The following THSD7A variants were observed in gnomAD, a reference collection of about 807,000 sequenced individuals.
THSD7A encodes the protein thrombospondin type-1 domain-containing protein 7A.
In THSD7A, 96 loss-of-function variants were observed where a neutral mutation model predicts 231.3. The observed-to-expected ratio is 0.41, with a 90% CI of 0.35 to 0.49. The LOEUF is 0.49. Ranked by LOEUF, THSD7A falls within the 20% of genes least tolerant of loss-of-function variation. THSD7A has a pLI of 0.05. For synonymous variants in THSD7A, 940 were observed against 743.3 expected, an observed-to-expected ratio of 1.26 and a Z score of -4.30; for missense variants, 2,290 against 2,070.2, an observed-to-expected ratio of 1.11 and a Z score of -2.06.
chr7:11,814,259 G>A lies in THSD7A; in HGVS notation c.190+17498C>T, dbSNP rs2128185108. ...GCCATTGAATTGTATGCTTTAAATG[G>A]GTGATTGCATGCTACGTGCATTCTA... is the stretch of plus-strand genomic sequence containing the variant. On this transcript the variant is annotated intron_variant, in intron 1 of 27. Coordinates refer to ENST00000423059, the MANE Select transcript of THSD7A (RefSeq NM_015204.3). This position sits in a 1 kb window ranked among gnomAD's most constrained non-coding sequence, Gnocchi z 5.1. 6.6e-6 allele frequency among the ~76,000 whole-genome samples: 1 copy of A among 152,108 alleles called. No individual in the cohort carries two copies. The highest frequency in any genetic ancestry group is 6.5e-5 in the Admixed American group (1 of 15,280).
intron 13 of THSD7A, among the ~76,000 whole-genome samples, chr7:11,438,924 T>G (rs2128292683): frequency 6.6e-6 from 1 of 152,168 alleles, no homozygotes; most frequent in Non-Finnish European, 1.5e-5. Flanking sequence ...TCCTCAATAC[T>G]TTGACAGATA....
chr7:11,610,930 C>A (rs1417403561), intron 2 of THSD7A, among the ~76,000 whole-genome samples: 1 of 152,068 alleles, frequency 6.6e-6, no homozygotes, highest in African/African-American at 2.4e-5. Context: ...TGGTAGAAAT[C>A]TCTTTTGTTG....
chr7:11,654,563 A>C (rs1399265103), intron 1 of THSD7A, among the ~76,000 whole-genome samples: 1 of 151,994 alleles, frequency 6.6e-6, no homozygotes, highest in Non-Finnish European at 1.5e-5. Context: ...GTTTCTATAC[A>C]TACTTGTTTG....
At chr7:11,694,497 T>C (rs1228825209) in intron 1 of THSD7A, among the ~76,000 whole-genome samples, 1 of 151,572 alleles carries the variant, frequency 6.6e-6, no homozygotes, top group Non-Finnish European at 1.5e-5. Flanking sequence ...AGACACAGGT[T>C]AGAATACCAA....
chr7:11,428,638 C>T (rs1461954068), intron 14 of THSD7A, among the ~76,000 whole-genome samples: 2 of 152,070 alleles, frequency 1.3e-5, no homozygotes, highest in Non-Finnish European at 2.9e-5. Context: ...TAATCTCAGC[C>T]TACATGTTAG....
chr7:11,688,946 C>A (rs1310150224), intron 1 of THSD7A, among the ~76,000 whole-genome samples: 2 of 151,706 alleles, frequency 1.3e-5, no homozygotes, highest in Admixed American at 1.3e-4. Flanking sequence ...GGGATTCGTA[C>A]AGATAGAATG....
At chr7:11,395,547 A>G (rs1348105008) in intron 23 of THSD7A, among the ~76,000 whole-genome samples, 1 of 145,394 alleles carries the variant, frequency 6.9e-6, no homozygotes, top group African/African-American at 2.6e-5. Flanking sequence ...TTCTTTTTTG[A>G]GACAGAATCT....
At chr7:11,480,607 T>C (rs1204050281) in intron 7 of THSD7A, among the ~76,000 whole-genome samples, 2 of 152,104 alleles carry the variant, frequency 1.3e-5, no homozygotes, top group Non-Finnish European at 2.9e-5. Context: ...TATATTAAGG[T>C]GGTAGGAAAA....
intron 1 of THSD7A, among the ~76,000 whole-genome samples, chr7:11,704,825 A>T (rs1780713661): frequency 6.6e-6 from 1 of 151,000 alleles, no homozygotes; most frequent in Non-Finnish European, 1.5e-5. Context: ...TTTAGGGCAT[A>T]ATTTGCCAAG....
intron 14 of THSD7A, 103 bp from the exon 15 acceptor site, chr7:11,426,774 T>C (rs977614890): frequency 7.9e-7 from 1 of 1,265,650 alleles, no homozygotes; most frequent in Non-Finnish European, 1.1e-6. Context: ...CAAGTATTAT[T>C]ACTTACATGT....
At chr7:11,779,577 C>A (rs1159971942) in intron 1 of THSD7A, among the ~76,000 whole-genome samples, 1 of 152,172 alleles carries the variant, frequency 6.6e-6, no homozygotes, top group Non-Finnish European at 1.5e-5. Context: ...CTTGGAATCA[C>A]CTCCAGTTAA....
At chr7:11,436,867 G>C (rs1490771869) in intron 13 of THSD7A, among the ~76,000 whole-genome samples, 2 of 151,894 alleles carry the variant, frequency 1.3e-5, no homozygotes, top group Non-Finnish European at 2.9e-5. Flanking sequence ...GTGTTATTTG[G>C]ATAAATTTCC....
At chr7:11,644,951 G>A (rs1345198175) in intron 1 of THSD7A, among the ~76,000 whole-genome samples, 1 of 151,852 alleles carries the variant, frequency 6.6e-6, no homozygotes, top group Admixed American at 6.6e-5. Flanking sequence ...AAGTCTTCAT[G>A]TATCAGTGAC....
At chr7:11,546,947 TGAA>T (rs1259089543) in intron 4 of THSD7A, among the ~76,000 whole-genome samples, 10 of 152,198 alleles carry the variant, frequency 6.6e-5, no homozygotes, top group African/African-American at 2.4e-4. Flanking sequence ...ACCAAGCTAA[TGAA>T]GAAATTTCAG....
At chr7:11,623,617 G>A (rs1477716485) in intron 2 of THSD7A, among the ~76,000 whole-genome samples, 1 of 152,118 alleles carries the variant, frequency 6.6e-6, no homozygotes, top group Non-Finnish European at 1.5e-5. Context: ...AAATGTGGGG[G>A]TGGGGGTGAG....
chr7:11,741,417 T>C (rs1583245698), intron 1 of THSD7A, among the ~76,000 whole-genome samples: 2 of 151,914 alleles, frequency 1.3e-5, no homozygotes, highest in Admixed American at 1.3e-4. Context: ...CTTTCTTCCA[T>C]TGGTCAAGTA....
chr7:11,710,910 T>G (rs7803656), intron 1 of THSD7A, among the ~76,000 whole-genome samples: 1,854 of 150,822 alleles, frequency 0.012, 36 homozygotes, highest in African/African-American at 0.041. Context: ...GCTACCCTAT[T>G]TGATAAAATA....
chr7:11,401,324 A>G (rs1783394313), intron 23 of THSD7A, among the ~76,000 whole-genome samples: 1 of 152,228 alleles, frequency 6.6e-6, no homozygotes. Flanking sequence ...GAAGGGTGGC[A>G]GGATGTTCCA....
At chr7:11,825,011 G>A (rs1312439864) in intron 1 of THSD7A, among the ~76,000 whole-genome samples, 1 of 151,866 alleles carries the variant, frequency 6.6e-6, no homozygotes, top group African/African-American at 2.4e-5. Context: ...ACACATAAGT[G>A]CCAAACTAAT....
Sources: gnomAD v4.1 joint callset for allele counts (sites outside exome capture counted in the v4.1 genomes callset) on GRCh38, gnomAD v4.1.1 for gene constraint, Gnocchi (gnomAD v3.1) non-coding constraint, MANE v1.5 for transcripts, NCBI Gene and HGNC (gene_info 2026-07-23, HGNC 2026-07-21) for gene names.